Variants in CYP11B1 observed in about 807,000 individuals in gnomAD.
CYP11B1 encodes the protein cytochrome P450 11B1, mitochondrial.
Under a neutral mutation model 48.3 loss-of-function variants are expected in CYP11B1, and 34 were observed. That is an observed-to-expected ratio of 0.70 (90% CI 0.54 to 0.94). The LOEUF (loss-of-function observed/expected upper bound fraction) is 0.94. Ranked by LOEUF, CYP11B1 falls within the 40% of genes least tolerant of loss-of-function variation. The pLI, the probability that CYP11B1 is intolerant of heterozygous loss-of-function variation, is 0.00. For missense variants in CYP11B1, 688 were observed against 657.4 expected (o/e 1.05, Z -0.51); for synonymous variants, 291 against 262.5 (o/e 1.11, Z -1.05).
chr8:142,877,290 C>T lies in CYP11B1; in HGVS notation c.396-68G>A, dbSNP rs537814960. ...ACACAGGCCCTGACCCGTATCCCAT[C>T]CTCCTTGTCCCCAAGGGGAATCGGC... is the stretch of plus-strand genomic sequence containing the variant. On this transcript the variant is annotated intron_variant, in intron 2 of 8. Coordinates refer to ENST00000292427, the MANE Select transcript of CYP11B1 (RefSeq NM_000497.4). 9.9e-6 allele frequency: 14 copies of T among 1,420,146 alleles called. No homozygotes were observed. In the African/African-American group the frequency reaches 2.0e-4, roughly 20 times the overall value. The allele number at this position is 1,420,146 out of a possible 1,614,324, so 88.0% of individuals were successfully genotyped here. A position where few individuals can be genotyped will look rare whatever the true frequency, so the allele number is the denominator to read the frequency against.
chr8:142,877,840 A>C, intron 2 of CYP11B1: 1 of 1,591,070 alleles, frequency 6.3e-7, no homozygotes, highest in Non-Finnish European at 8.5e-7. Context: ...CATTTCTGCA[A>C]AACTCAAAGC....
chr8:142,876,557 G>A, intron 4 of CYP11B1, 125 bp downstream of exon 4: 1 of 1,549,554 alleles, frequency 6.5e-7, no homozygotes, highest in Non-Finnish European at 8.7e-7. Context: ...AATCTCCCTG[G>A]CAGGAAGGTG....
Position 142,876,665 on chromosome 8 carries a change from C to A in CYP11B1, c.799+17G>T. ...GGTGTCCCTTCCCCATAGCACTGCC[C>A]GGGTCCCTGGCCTCACCGTACTGGA... On this transcript the variant is annotated intron_variant, in intron 4 of 8. Coordinates refer to ENST00000292427, the MANE Select transcript of CYP11B1 (RefSeq NM_000497.4). 1.3e-6 allele frequency: 2 copies of A among 1,596,898 alleles called. No individual in the cohort carries two copies. The highest frequency in any genetic ancestry group is 1.1e-5 in the South Asian group (1 of 88,412).
At chr8:142,874,647 C>A (rs1224100131) in intron 8 of CYP11B1, among the ~76,000 whole-genome samples, 161 bp from the exon 9 acceptor site, 1 of 152,122 alleles carries the variant, frequency 6.6e-6, no homozygotes, top group African/African-American at 2.4e-5. Flanking sequence ...ACAGCCCAGG[C>A]CCAGAATTCA....
chr8:142,877,491 T>A (rs1166888013), intron 2 of CYP11B1, among the ~76,000 whole-genome samples: 2 of 152,220 alleles, frequency 1.3e-5, no homozygotes, highest in Admixed American at 6.5e-5. Context: ...TCCCGGGACC[T>A]GGCACCCCAA....
In CYP11B1 at chr8:142,875,144, C is replaced by T. The variant is rs4998896; in HGVS notation, c.1211G>A (p.Arg404His). The T allele has an allele frequency of 3.1e-6, 5 of 1,614,208 alleles. No individual in the cohort carries two copies. The highest frequency in any genetic ancestry group is 4.2e-6 in the Non-Finnish European group (5 of 1,180,026). Residue 404 changes from arginine (R) to histidine (H), a missense_variant, in exon 8 of 9, where the codon CGC becomes CAC. Transcript: ENST00000292427. ...NYHIPAGTLV[R>H]VFLYSLGRNP... ...GCGACCCAGAGAGTAGAGGAACACG[C>T]GCACCAATGTCTGCGGACGGTGCAG...
chr8:142,878,091 G>T (rs531994312), intron 2 of CYP11B1, among the ~76,000 whole-genome samples: 1 of 151,998 alleles, frequency 6.6e-6, no homozygotes, highest in Non-Finnish European at 1.5e-5. Flanking sequence ...CACACAACAC[G>T]TGCAAATGCA....
rs1461270546 is a variant in CYP11B1, at chr8:142,873,572, AT to A, written c.*800del. 2.0e-5 allele frequency: 3 copies of A among 152,158 alleles called. No individual in the cohort carries two copies. Among genetic ancestry groups the A allele is most frequent in the Non-Finnish European group, 4.4e-5 (3 of 68,106 alleles). 9.4% of individuals were successfully genotyped at this position (152,158 alleles called of 1,614,324 possible). On this transcript the variant is annotated 3_prime_UTR_variant, in exon 9 of 9. Transcript: ENST00000292427. ...TCCTGTCTCTCCTGTTGCCAAAAACATTTCTGGAACCACACCCCAGGTTCCC... is the reference window on the plus strand; with the variant it reads ...TCCTGTCTCTCCTGTTGCCAAAAACATTCTGGAACCACACCCCAGGTTCCC...
chr8:142,872,818 G>C lies in CYP11B1; in HGVS notation c.*1555C>G, dbSNP rs753300200. 6.6e-6 allele frequency: 1 copy of C among 151,906 alleles called. No homozygotes were observed. The highest frequency in any genetic ancestry group is 1.5e-5 in the Non-Finnish European group (1 of 68,042). 9.4% of individuals were successfully genotyped at this position (151,906 alleles called of 1,614,324 possible). Reference sequence around the variant, plus strand: ...GATAATAGCAGGGCCGGGCCTTTGAGGGGGGAAGGGAATGCAGGCAGTGCC... The same window carrying C: ...GATAATAGCAGGGCCGGGCCTTTGACGGGGGAAGGGAATGCAGGCAGTGCC... On this transcript the variant is annotated 3_prime_UTR_variant, in exon 9 of 9. Coordinates refer to ENST00000292427, the MANE Select transcript of CYP11B1 (RefSeq NM_000497.4).
Position 142,872,961 on chromosome 8 carries a change from C to T in CYP11B1, c.*1412G>A, listed in dbSNP as rs1816839751. 6.6e-6 allele frequency: 1 copy of T among 152,236 alleles called. No individual in the cohort carries two copies. The highest frequency in any genetic ancestry group is 1.5e-5 in the Non-Finnish European group (1 of 68,076). 9.4% of individuals were successfully genotyped at this position (152,236 alleles called of 1,614,324 possible). On this transcript the variant is annotated 3_prime_UTR_variant, in exon 9 of 9. Transcript: ENST00000292427. ...CTATGAAACAAGAGGTGGGTCCTCA[C>T]CAGACACAGAACCTGCTGACACCTT...
intron 6 of CYP11B1, 114 bp downstream of exon 6, chr8:142,875,598 A>T: frequency 2.6e-6 from 3 of 1,174,700 alleles, no homozygotes; most frequent in East Asian, 2.5e-5. Flanking sequence ...GTGCAGGGGA[A>T]TGGGCTGCTG....
At chr8:142,878,967 C>A (rs1817053641) in intron 2 of CYP11B1, 65 bp downstream of exon 2, 1 of 1,593,432 alleles carries the variant, frequency 6.3e-7, no homozygotes, top group Non-Finnish European at 8.5e-7. Flanking sequence ...TGGGTCCTGC[C>A]TCTCTCGCCT....
At position 142,878,158 on chromosome 8, in the gene CYP11B1, C is replaced by T. The variant is rs1347455943; in HGVS notation, c.395+874G>A. On this transcript the variant is annotated intron_variant, in intron 2 of 8. Coordinates refer to ENST00000292427, the MANE Select transcript of CYP11B1 (RefSeq NM_000497.4). ...TGCAAGACGCACACACATACAGGTG[C>T]GCTCCCCTTCCTTCCGTTATGTGCA... Among the ~76,000 whole-genome samples the T allele has an allele frequency of 9.2e-5, 14 of 152,298 alleles. No homozygotes were observed. The East Asian group carries it at 9.6e-4, about 10-fold the overall frequency.
rs1439279679 is a variant in CYP11B1 at position 142,879,192 on chromosome 8, G to A, written c.240-5C>T. ...CCTGCTCCTCCCAAGTCGTACCTGTGGGGCCAAGCACGAGGCCGTGCTGGA... is the reference window on the plus strand; with the variant it reads ...CCTGCTCCTCCCAAGTCGTACCTGTAGGGCCAAGCACGAGGCCGTGCTGGA... On this transcript the variant is annotated splice_polypyrimidine_tract_variant and splice_region_variant and intron_variant, in intron 1 of 8. Coordinates refer to ENST00000292427, the MANE Select transcript of CYP11B1 (RefSeq NM_000497.4). 6.2e-7 allele frequency: 1 copy of A among 1,613,938 alleles called. No homozygotes were observed. Among genetic ancestry groups the A allele is most frequent in the Admixed American group, 1.7e-5 (1 of 60,018 alleles).
chr8:142,878,270 G>A (rs1366131451), intron 2 of CYP11B1, among the ~76,000 whole-genome samples: 1 of 152,150 alleles, frequency 6.6e-6, no homozygotes, highest in Non-Finnish European at 1.5e-5. Context: ...CCCCACCCTT[G>A]AGTGCCCTTT....
Position 142,876,223 on chromosome 8 carries a change from G to A in CYP11B1, c.954+18C>T, listed in dbSNP as rs752755752. The A allele has an allele frequency of 6.2e-7, 1 of 1,613,996 alleles. No individual in the cohort carries two copies. The highest frequency in any genetic ancestry group is 1.3e-5 in the African/African-American group (1 of 74,950). ...CTTGGCATCACCCTCTCTGGGTGGG[G>A]CTGGTTGCCGGCCTGACCGTGTCCA... On this transcript the variant is annotated intron_variant, in intron 5 of 8. Transcript: ENST00000292427.
At chr8:142,874,521 C>T in intron 8 of CYP11B1, 35 bp from the exon 9 acceptor site, 2 of 1,447,208 alleles carry the variant, frequency 1.4e-6, no homozygotes, top group Admixed American at 1.7e-5. Context: ...CTGGCTTGGT[C>T]CGCAGCCCAT....
chr8:142,876,956 A>G lies in CYP11B1; in HGVS notation c.595+67T>C, dbSNP rs951561467. 44 of 1,612,292 alleles carry G rather than the reference A, an allele frequency of 2.7e-5. No individual in the cohort carries two copies. The African/African-American group carries it at 5.6e-4, about 21-fold the overall frequency. ...CTGGCTGCCTCCCCACACTCCCTTC[A>G]GTCCCCCATCCCCGTCCCTGGCCAC... On this transcript the variant is annotated intron_variant, in intron 3 of 8. Coordinates refer to ENST00000292427, the MANE Select transcript of CYP11B1 (RefSeq NM_000497.4).
intron 1 of CYP11B1, 149 bp downstream of exon 1, chr8:142,879,426 A>C: frequency 1.2e-6 from 2 of 1,613,332 alleles, no homozygotes; most frequent in Non-Finnish European, 1.7e-6. Context: ...AGCGCCACAG[A>C]CCAGCACGTG....
Sources: gnomAD v4.1 joint callset for allele counts (sites outside exome capture counted in the v4.1 genomes callset) on GRCh38, gnomAD v4.1.1 for gene constraint, MANE v1.5 for transcripts, NCBI Gene and HGNC (gene_info 2026-07-23, HGNC 2026-07-21) for gene names.